MCPH1: variants seen among roughly 807,000 people sequenced by gnomAD.
MCPH1 encodes the protein microcephalin.
MCPH1 carries 104 observed loss-of-function variants against 84.5 expected under a neutral mutation model. That is an observed-to-expected ratio of 1.23 (90% CI 1.05 to 1.45). The LOEUF (loss-of-function observed/expected upper bound fraction) is 1.45. MCPH1 is among the 40% of genes most tolerant of loss of function. The pLI, the probability that MCPH1 is intolerant of heterozygous loss-of-function variation, is 0.00. For missense variants in MCPH1, 1,498 were observed against 1,005.7 expected, an observed-to-expected ratio of 1.49 and a Z score of -6.62; for synonymous variants, 514 against 366.8, an observed-to-expected ratio of 1.40 and a Z score of -4.58.
chr8:6,576,680 GTATTTTTTTTTTTTTTTTTTTTTT>G (rs1827138390), intron 12 of MCPH1, among the ~76,000 whole-genome samples: 1 of 36,340 alleles, frequency 2.8e-5, no homozygotes, highest in Non-Finnish European at 7.4e-5. Flanking sequence ...GCTAATTTTT[GTATTTTTTTTTTTTTTTTTTTTTT>G]TTTTTTTTTT....
chr8:6,562,725 C>T (rs923824230), intron 12 of MCPH1: 2 of 1,613,520 alleles, frequency 1.2e-6, no homozygotes, highest in East Asian at 2.2e-5. Context: ...CGTATTCGAG[C>T]GGCGCGTCCC....
intron 12 of MCPH1, among the ~76,000 whole-genome samples, chr8:6,557,720 T>C (rs901611966): frequency 9.5e-5 from 14 of 146,612 alleles, no homozygotes; most frequent in African/African-American, 3.5e-4. Flanking sequence ...CACACATACA[T>C]ATATACAGGG....
intron 8 of MCPH1, chr8:6,447,109 G>C (rs905604840): frequency 1.0e-6 from 1 of 985,340 alleles, no homozygotes; most frequent in Non-Finnish European, 1.2e-6. Flanking sequence ...AGACAGACGG[G>C]AAGTCACTGG....
chr8:6,453,694 T>C (rs187693975), intron 8 of MCPH1, among the ~76,000 whole-genome samples: 2 of 152,332 alleles, frequency 1.3e-5, no homozygotes, highest in Admixed American at 6.5e-5. Flanking sequence ...GTAGTAGATA[T>C]AATTAATAAT....
rs1468072138 is a variant in MCPH1 at position 6,645,704 on chromosome 8, C to T, written c.*2655C>T. On this transcript the variant is annotated 3_prime_UTR_variant, in exon 14 of 14. Coordinates refer to ENST00000344683, the MANE Select transcript of MCPH1 (RefSeq NM_024596.5). ...AATCTTCCTAAAGATTATATACAAACCTAACAGAATTGTATTTATATATAC... is the reference window on the plus strand; with the variant it reads ...AATCTTCCTAAAGATTATATACAAATCTAACAGAATTGTATTTATATATAC... 6.8e-6 allele frequency: 1 copy of T among 147,188 alleles called. No homozygotes were observed. The highest frequency in any genetic ancestry group is 2.5e-5 in the African/African-American group (1 of 39,510). 9.1% of individuals were successfully genotyped at this position (147,188 alleles called of 1,614,324 possible).
intron 7 of MCPH1, among the ~76,000 whole-genome samples, chr8:6,443,151 A>G (rs1272694935): frequency 6.6e-6 from 1 of 152,210 alleles, no homozygotes; most frequent in East Asian, 1.9e-4. Context: ...CCATTTTGCC[A>G]GTGAAAAACC....
At position 6,540,561 on chromosome 8, in the gene MCPH1, T is replaced by A. The variant is rs547750683; in HGVS notation, c.2214+40632T>A. Among the ~76,000 whole-genome samples, 5 of 152,328 alleles carry A rather than the reference T, an allele frequency of 3.3e-5. No individual in the cohort carries two copies. In the South Asian group the frequency reaches 1.0e-3, roughly 32 times the overall value. On this transcript the variant is annotated intron_variant, in intron 12 of 13. Coordinates refer to ENST00000344683, the MANE Select transcript of MCPH1 (RefSeq NM_024596.5). ...GACACTTGCACAGATTCCTGGAAGA[T>A]GAGGAGCAAATACAGTGCAACAGAC... is the stretch of plus-strand genomic sequence containing the variant.
At chr8:6,620,650 C>G (rs576371678) in intron 12 of MCPH1, among the ~76,000 whole-genome samples, 1 of 152,158 alleles carries the variant, frequency 6.6e-6, no homozygotes, top group Non-Finnish European at 1.5e-5. Context: ...ATACGCAAAA[C>G]AAAACGTGGA....
chr8:6,549,072 G>C (rs1363691360), intron 12 of MCPH1, among the ~76,000 whole-genome samples: 1 of 152,200 alleles, frequency 6.6e-6, no homozygotes, highest in Non-Finnish European at 1.5e-5. Context: ...TCATTAGAAG[G>C]CAGGTTAGTC....
intron 12 of MCPH1, among the ~76,000 whole-genome samples, chr8:6,613,843 G>A (rs745591642): frequency 1.3e-4 from 20 of 152,126 alleles, no homozygotes; most frequent in Non-Finnish European, 2.5e-4. Flanking sequence ...CCAGGGGCAG[G>A]GATGCTTTTG....
chr8:6,617,755 C>G (rs1232217062), intron 12 of MCPH1, among the ~76,000 whole-genome samples: 2 of 152,114 alleles, frequency 1.3e-5, no homozygotes, highest in African/African-American at 4.8e-5. Flanking sequence ...CAGTTCACTG[C>G]AGCCTCAACT....
chr8:6,617,408 A>T (rs1477392708), intron 12 of MCPH1, among the ~76,000 whole-genome samples: 2 of 151,348 alleles, frequency 1.3e-5, no homozygotes, highest in Admixed American at 6.6e-5. Flanking sequence ...GCTTCCCAAA[A>T]GTTATGATTT....
chr8:6,409,423 A>T, intron 2 of MCPH1, 53 bp downstream of exon 2: 1 of 1,402,438 alleles, frequency 7.1e-7, no homozygotes, highest in African/African-American at 1.4e-5. Flanking sequence ...GATTGGTAAA[A>T]AGTTACATTT....
intron 13 of MCPH1, chr8:6,625,922 A>C: frequency 1.0e-6 from 1 of 985,022 alleles, no homozygotes; most frequent in South Asian, 4.7e-5. Flanking sequence ...CTCTCTGAGA[A>C]GTTTCTTTTC....
intron 12 of MCPH1, chr8:6,615,598 C>T (rs1830709573): frequency 6.6e-6 from 1 of 152,120 alleles, no homozygotes; most frequent in Non-Finnish European, 1.5e-5. Flanking sequence ...GAAAGTAGAC[C>T]AATGTAAGCG....
intron 12 of MCPH1, among the ~76,000 whole-genome samples, chr8:6,583,097 T>C (rs921064606): frequency 6.6e-6 from 1 of 152,194 alleles, no homozygotes; most frequent in Non-Finnish European, 1.5e-5. Flanking sequence ...CTGCTTTTCA[T>C]CTTGGCAATC....
intron 3 of MCPH1, among the ~76,000 whole-genome samples, chr8:6,430,028 T>G (rs1390335619): frequency 6.6e-6 from 1 of 152,236 alleles, no homozygotes; most frequent in Non-Finnish European, 1.5e-5. Context: ...AATGTCACCC[T>G]GTTTGCTGCA....
chr8:6,485,150 C>T (rs35150903), intron 11 of MCPH1, among the ~76,000 whole-genome samples: 17,511 of 152,024 alleles, frequency 0.12, 1,099 homozygotes, highest in South Asian at 0.18. Context: ...GATGGTGAAA[C>T]TCCGTCTCTA....
intron 11 of MCPH1, among the ~76,000 whole-genome samples, chr8:6,482,999 C>T (rs1809427168): frequency 6.6e-6 from 1 of 152,172 alleles, no homozygotes; most frequent in Non-Finnish European, 1.5e-5. Context: ...TTATAAACCA[C>T]ACAATTTTCT....
Sources: gnomAD v4.1 joint callset for allele counts (sites outside exome capture counted in the v4.1 genomes callset) on GRCh38, gnomAD v4.1.1 for gene constraint, MANE v1.5 for transcripts, NCBI Gene and HGNC (gene_info 2026-07-23, HGNC 2026-07-21) for gene names.